Variants in GRIA4 observed in about 807,000 individuals in gnomAD.
GRIA4 encodes glutamate receptor 4.
Under a neutral mutation model 104.0 loss-of-function variants are expected in GRIA4, and 34 were observed. The ratio of observed to expected loss-of-function variants is 0.33; its 90% confidence interval spans 0.25 to 0.44. The LOEUF is 0.44. Among genes scored for constraint, GRIA4 ranks in the 20% least tolerant of loss-of-function variants. GRIA4 has a pLI of 1.00. For synonymous variants in GRIA4, 386 were observed against 381.9 expected, an observed-to-expected ratio of 1.01 and a Z score of -0.13; for missense variants, 750 against 1,096.5, an observed-to-expected ratio of 0.68 and a Z score of 4.46.
chr11:105,665,465 C>T (rs1952136755), intron 3 of GRIA4, among the ~76,000 whole-genome samples: 1 of 151,964 alleles, frequency 6.6e-6, no homozygotes, highest in South Asian at 2.1e-4. Context: ...ATTAGCGTAT[C>T]CCGGAGGTTG....
chr11:105,817,770 A>G (rs1222290792), intron 4 of GRIA4, among the ~76,000 whole-genome samples: 1 of 152,152 alleles, frequency 6.6e-6, no homozygotes. Context: ...TTAATCTTAC[A>G]TAGTAACAAA....
intron 14 of GRIA4, chr11:105,965,896 A>G: frequency 8.0e-7 from 1 of 1,253,130 alleles, no homozygotes; most frequent in Non-Finnish European, 1.2e-6. Flanking sequence ...ATTCCTTCTA[A>G]CATCTTAACA....
intron 3 of GRIA4, among the ~76,000 whole-genome samples, chr11:105,622,375 G>A (rs754341487): frequency 6.6e-6 from 1 of 151,456 alleles, no homozygotes; most frequent in Non-Finnish European, 1.5e-5. Context: ...TTATTTATTT[G>A]CATAAGCTGC....
intron 4 of GRIA4, among the ~76,000 whole-genome samples, chr11:105,856,704 GCTTTAA>G (rs1183576741): frequency 6.6e-6 from 1 of 152,092 alleles, no homozygotes; most frequent in African/African-American, 2.4e-5. Flanking sequence ...CTACGACAGT[GCTTTAA>G]CTTTAAAGAT....
At chr11:105,636,155 C>A (rs1169948518) in intron 3 of GRIA4, among the ~76,000 whole-genome samples, 1 of 152,142 alleles carries the variant, frequency 6.6e-6, no homozygotes, top group East Asian at 1.9e-4. Context: ...CAAGTACCTT[C>A]TTGCTTTTCA....
intron 4 of GRIA4, among the ~76,000 whole-genome samples, chr11:105,767,132 G>C (rs1202636061): frequency 6.6e-6 from 1 of 152,094 alleles, no homozygotes; most frequent in Admixed American, 6.5e-5. Context: ...AATGAAATTT[G>C]ATAAGTGAAT....
intron 6 of GRIA4, among the ~76,000 whole-genome samples, chr11:105,894,564 T>G (rs1167043424): frequency 1.3e-5 from 2 of 152,146 alleles, no homozygotes; most frequent in African/African-American, 4.8e-5. Flanking sequence ...GCCAGTAGAC[T>G]GATATATTTT....
At chr11:105,817,423 G>A (rs1376538008) in intron 4 of GRIA4, among the ~76,000 whole-genome samples, 2 of 150,972 alleles carry the variant, frequency 1.3e-5, no homozygotes, top group East Asian at 3.9e-4. Flanking sequence ...CAACATTTGG[G>A]TGCTTTATAG....
rs554946576 is a variant in GRIA4 at position 105,648,854 on chromosome 11, T to A, written c.247+36420T>A. Among the ~76,000 whole-genome samples the A allele has an allele frequency of 2.6e-5, 4 of 152,340 alleles. No homozygotes were observed. The East Asian group carries it at 7.7e-4, about 29-fold the overall frequency. ...TTAATGACCGAAACCAGTCATTAAA[T>A]AAAAATTACTTTTGCACCAACCTAA... On this transcript the variant is annotated intron_variant, in intron 3 of 16. Transcript: ENST00000282499.
intron 13 of GRIA4, among the ~76,000 whole-genome samples, 180 bp downstream of exon 13, chr11:105,927,119 T>C (rs1312877130): frequency 1.3e-5 from 2 of 152,150 alleles, no homozygotes; most frequent in Non-Finnish European, 2.9e-5. Context: ...CAAAAGGTAA[T>C]TGACTTATTC....
At chr11:105,834,908 C>G (rs1944119503) in intron 4 of GRIA4, among the ~76,000 whole-genome samples, 1 of 151,732 alleles carries the variant, frequency 6.6e-6, no homozygotes, top group Non-Finnish European at 1.5e-5. Flanking sequence ...TAACATCACC[C>G]TAGTAAATAT....
At chr11:105,794,095 C>T (rs1193104210) in intron 4 of GRIA4, among the ~76,000 whole-genome samples, 3 of 151,768 alleles carry the variant, frequency 2.0e-5, no homozygotes, top group African/African-American at 4.8e-5. Context: ...TAAATGTAGT[C>T]GGCAGTTATG....
At chr11:105,760,817 G>C (rs1940594377) in intron 4 of GRIA4, among the ~76,000 whole-genome samples, 2 of 151,486 alleles carry the variant, frequency 1.3e-5, no homozygotes, top group Admixed American at 1.3e-4. Context: ...CAGAAAACAT[G>C]TTTTCTGATA....
chr11:105,883,668 A>G (rs1200897878), intron 5 of GRIA4, among the ~76,000 whole-genome samples: 2 of 152,034 alleles, frequency 1.3e-5, no homozygotes, highest in East Asian at 1.9e-4. Flanking sequence ...TCTTAATCCA[A>G]TCTATCATTG....
At chr11:105,692,604 G>T (rs1953129187) in intron 3 of GRIA4, among the ~76,000 whole-genome samples, 1 of 152,080 alleles carries the variant, frequency 6.6e-6, no homozygotes, top group Admixed American at 6.6e-5. Context: ...ATAGCCATTT[G>T]TCTAATTATG....
chr11:105,614,770 G>GA (rs897582579), intron 3 of GRIA4, among the ~76,000 whole-genome samples: 1 of 151,920 alleles, frequency 6.6e-6, no homozygotes, highest in Non-Finnish European at 1.5e-5. Context: ...CAGAATTTGG[G>GA]AAAAAATCAA....
In GRIA4 at chr11:105,704,003, ATATCT is replaced by A. The variant is rs1350950751; in HGVS notation, c.248-48974_248-48970del. ...CTATTGATATTCTAGCATTATACAA[ATATCT>A]TATATCTATAATTCATTATTCCTCT... is the stretch of plus-strand genomic sequence containing the variant. On this transcript the variant is annotated intron_variant, in intron 3 of 16. Coordinates refer to ENST00000282499, the MANE Select transcript of GRIA4 (RefSeq NM_000829.4). Among the ~76,000 whole-genome samples, 6 of 152,178 alleles carry A rather than the reference ATATCT, an allele frequency of 3.9e-5. No homozygotes were observed. In the East Asian group the frequency reaches 1.2e-3, roughly 29 times the overall value.
chr11:105,864,794 C>T (rs1304547856), intron 5 of GRIA4, among the ~76,000 whole-genome samples: 6 of 152,026 alleles, frequency 3.9e-5, no homozygotes, highest in African/African-American at 1.4e-4. Flanking sequence ...CACTTAAACC[C>T]AGGAGGTGGA....
At chr11:105,941,738 C>T (rs1948184386) in intron 14 of GRIA4, among the ~76,000 whole-genome samples, 2 of 152,020 alleles carry the variant, frequency 1.3e-5, no homozygotes, top group Non-Finnish European at 2.9e-5. Context: ...CTTTCAAAGG[C>T]AATATGAGAG....
Sources: gnomAD v4.1 joint callset for allele counts (sites outside exome capture counted in the v4.1 genomes callset) on GRCh38, gnomAD v4.1.1 for gene constraint, MANE v1.5 for transcripts, NCBI Gene and HGNC (gene_info 2026-07-23, HGNC 2026-07-21) for gene names.